Variants in MAPK8 observed in about 807,000 individuals in gnomAD.
The protein encoded by MAPK8 is JUN N-terminal kinase.
MAPK8 carries 13 observed loss-of-function variants against 52.9 expected under a neutral mutation model. That is an observed-to-expected ratio of 0.25 (90% CI 0.16 to 0.39). The LOEUF is 0.39. MAPK8 is among the 10% of genes least tolerant of loss of function. MAPK8 has a pLI of 1.00. For synonymous variants in MAPK8, 191 were observed against 169.8 expected, an observed-to-expected ratio of 1.12 and a Z score of -0.97; for missense variants, 300 against 519.2, an observed-to-expected ratio of 0.58 and a Z score of 4.10.
intron 5 of MAPK8, among the ~76,000 whole-genome samples, chr10:48,412,574 C>T (rs1277193785): frequency 7.9e-5 from 12 of 152,156 alleles, no homozygotes; most frequent in Admixed American, 7.9e-4. Context: ...GTTTTCTCCT[C>T]CACTTTAATG....
chr10:48,351,490 A>G (rs535212215), intron 1 of MAPK8, among the ~76,000 whole-genome samples: 3 of 152,048 alleles, frequency 2.0e-5, no homozygotes, highest in Admixed American at 1.3e-4. Context: ...GATTGTACCC[A>G]TGAGTCATGG....
Position 48,324,380 on chromosome 10 carries a change from GCCCCTCTCCTCC to G in MAPK8, c.-50+17560_-50+17571del, listed in dbSNP as rs770493275. Among the ~76,000 whole-genome samples the G allele has an allele frequency of 2.0e-5, 3 of 152,002 alleles. No individual in the cohort carries two copies. The South Asian group carries it at 6.2e-4, about 31-fold the overall frequency. On this transcript the variant is annotated intron_variant, in intron 1 of 11. Transcript: ENST00000374189. ...GAGTCCTATTCTTCCATCTTATTCT[GCCCCTCTCCTCC>G]AAAAAGGTCAACTTGTAACTGCTTT...
chr10:48,439,096 A>G lies in MAPK8; in HGVS notation c.*4067A>G, dbSNP rs1308333294. 6.6e-6 allele frequency: 1 copy of G among 152,028 alleles called. No homozygotes were observed. The highest frequency in any genetic ancestry group is 1.9e-4 in the East Asian group (1 of 5,184). The allele number at this position is 152,028 out of a possible 1,614,324, so 9.4% of individuals were successfully genotyped here. On this transcript the variant is annotated 3_prime_UTR_variant, in exon 12 of 12. Coordinates refer to ENST00000374189, the MANE Select transcript of MAPK8 (RefSeq NM_001323329.2). ...TGTCACACCTGGAAACCTGAGTATG[A>G]TAGCTGACATTTGCTTTTCTCCCTC...
At chr10:48,363,854 C>T (rs959218546) in intron 1 of MAPK8, among the ~76,000 whole-genome samples, 6 of 152,146 alleles carry the variant, frequency 3.9e-5, no homozygotes, top group African/African-American at 2.4e-5. Flanking sequence ...CAGATTTCCT[C>T]GCATTTTCTG....
chr10:48,326,915 A>G (rs894017647), intron 1 of MAPK8, among the ~76,000 whole-genome samples: 1 of 152,136 alleles, frequency 6.6e-6, no homozygotes, highest in East Asian at 1.9e-4. Flanking sequence ...CCCAATGGAA[A>G]CAGCTGTATC....
intron 1 of MAPK8, among the ~76,000 whole-genome samples, chr10:48,342,744 A>G (rs1258758132): frequency 1.3e-5 from 2 of 152,178 alleles, no homozygotes; most frequent in African/African-American, 4.8e-5. Context: ...TGCTGAGACA[A>G]CACCGGAAGA....
chr10:48,320,697 T>G (rs779996591), intron 1 of MAPK8, among the ~76,000 whole-genome samples: 1 of 152,192 alleles, frequency 6.6e-6, no homozygotes, highest in Non-Finnish European at 1.5e-5. Context: ...GTACACAAGT[T>G]TTTTTGTGTT....
At chr10:48,424,008 A>G in intron 6 of MAPK8, 80 bp from the exon 7 acceptor site, 1 of 964,234 alleles carries the variant, frequency 1.0e-6, no homozygotes, top group South Asian at 2.0e-5. Context: ...CAGTTTTTAT[A>G]TAATGCAGTC....
chr10:48,321,350 T>C (rs61840555), intron 1 of MAPK8, among the ~76,000 whole-genome samples: 16,210 of 152,150 alleles, frequency 0.11, 1,151 homozygotes, highest in Admixed American at 0.25. Context: ...CCTCCAAAAG[T>C]GCTGGGATTA....
At position 48,367,220 on chromosome 10, in the gene MAPK8, A is replaced by T. The variant is rs963082009; in HGVS notation, c.-49-34392A>T. Among the ~76,000 whole-genome samples, 7 of 152,184 alleles carry T rather than the reference A, an allele frequency of 4.6e-5. No individual in the cohort carries two copies. The South Asian group carries it at 1.5e-3, about 32-fold the overall frequency. On this transcript the variant is annotated intron_variant, in intron 1 of 11. Transcript: ENST00000374189. ...CCCCATCTATACAATTTTAAAATTAAGCAAGCTTGGTGGTACACGCCTGTA... is the reference window on the plus strand; with the variant it reads ...CCCCATCTATACAATTTTAAAATTATGCAAGCTTGGTGGTACACGCCTGTA...
chr10:48,408,364 A>G (rs1272058028), intron 3 of MAPK8, among the ~76,000 whole-genome samples: 1 of 152,254 alleles, frequency 6.6e-6, no homozygotes, highest in East Asian at 1.9e-4. Context: ...AACTCTGTCA[A>G]GAACTAGGAG....
At chr10:48,413,918 A>G (rs2042920646) in intron 5 of MAPK8, among the ~76,000 whole-genome samples, 1 of 133,820 alleles carries the variant, frequency 7.5e-6, no homozygotes, top group Non-Finnish European at 1.6e-5. Flanking sequence ...TTGCTATATA[A>G]TTTACATGCC....
chr10:48,402,699 T>C (rs1422504426), intron 2 of MAPK8, among the ~76,000 whole-genome samples: 2 of 152,214 alleles, frequency 1.3e-5, no homozygotes, highest in Non-Finnish European at 2.9e-5. Flanking sequence ...CTAAACAAAA[T>C]GTAAACTGTT....
chr10:48,313,609 A>G (rs1484491964), intron 1 of MAPK8, among the ~76,000 whole-genome samples: 2 of 152,262 alleles, frequency 1.3e-5, no homozygotes, highest in African/African-American at 2.4e-5. Flanking sequence ...TATTTTTCAC[A>G]GCTTTATGGA....
chr10:48,406,056 G>A (rs2042451979), intron 3 of MAPK8, among the ~76,000 whole-genome samples: 1 of 152,168 alleles, frequency 6.6e-6, no homozygotes, highest in African/African-American at 2.4e-5. Flanking sequence ...TCTAAAAAGA[G>A]GGACGATTTC....
At chr10:48,369,786 A>G (rs879767445) in intron 1 of MAPK8, among the ~76,000 whole-genome samples, 1 of 152,166 alleles carries the variant, frequency 6.6e-6, no homozygotes, top group Non-Finnish European at 1.5e-5. Context: ...AAAGTGCTTC[A>G]GGCAGGAGAA....
chr10:48,367,803 T>G (rs1470750952), intron 1 of MAPK8, among the ~76,000 whole-genome samples: 1 of 152,150 alleles, frequency 6.6e-6, no homozygotes, highest in East Asian at 1.9e-4. Context: ...CCTTATATAA[T>G]GGCATATATT....
At chr10:48,412,575 C>T (rs2042817811) in intron 5 of MAPK8, among the ~76,000 whole-genome samples, 1 of 152,078 alleles carries the variant, frequency 6.6e-6, no homozygotes, top group African/African-American at 2.4e-5. Flanking sequence ...TTTTCTCCTC[C>T]ACTTTAATGT....
chr10:48,360,185 A>C lies in MAPK8; in HGVS notation c.-49-41427A>C, dbSNP rs569721264. Among the ~76,000 whole-genome samples the C allele has an allele frequency of 2.0e-3, 307 of 152,274 alleles. 1 individual carries two copies. The highest frequency in any genetic ancestry group is 6.8e-3 in the African/African-American group (282 of 41,570). ...CTGTCTAAAAGAAAAAAAAAGAAGA[A>C]GGTGTAAAGAACTCGAACAGTTGAA... On this transcript the variant is annotated intron_variant, in intron 1 of 11. Transcript: ENST00000374189.
Sources: gnomAD v4.1 joint callset for allele counts (sites outside exome capture counted in the v4.1 genomes callset) on GRCh38, gnomAD v4.1.1 for gene constraint, MANE v1.5 for transcripts, NCBI Gene and HGNC (gene_info 2026-07-23, HGNC 2026-07-21) for gene names.